The following VWA5A variants were observed in gnomAD, a reference collection of about 807,000 sequenced individuals.
The protein encoded by VWA5A is von Willebrand factor A domain containing 5A, also known as von Willebrand factor A domain-containing protein 5A.
Under a neutral mutation model 84.6 loss-of-function variants are expected in VWA5A, and 77 were observed. The observed-to-expected ratio is 0.91, with a 90% CI of 0.76 to 1.10. The LOEUF is 1.10. VWA5A is among the 50% of genes least tolerant of loss of function. The pLI is 0.00. For synonymous variants in VWA5A, 334 were observed against 350.1 expected (o/e 0.95, Z 0.51); for missense variants, 973 against 963.0 (o/e 1.01, Z -0.14).
At position 124,123,422 on chromosome 11, in the gene VWA5A, TG is replaced by T; in HGVS notation, c.989del (p.Gly330AspfsTer14). 6.2e-7 allele frequency: 1 copy of T among 1,614,124 alleles called. No homozygotes were observed. Among genetic ancestry groups the T allele is most frequent in the Non-Finnish European group, 8.5e-7 (1 of 1,180,018 alleles). On this transcript the variant is annotated frameshift_variant, in exon 9 of 19. Transcript: ENST00000456829. LOFTEE classifies it high-confidence loss of function. ...CTATAGGCTGTTATTTCAACATCTA[TG>T]GATTTGGCTCTTCCTATGAGGCATG... The part of the protein sequence containing the change: ...LPIGCYFNIY[G>X]FGSSYEACFP...
chr11:124,130,746 C>T (rs908784796), intron 11 of VWA5A, among the ~76,000 whole-genome samples: 1 of 151,962 alleles, frequency 6.6e-6, no homozygotes, highest in Non-Finnish European at 1.5e-5. Context: ...CCTTCTTTGT[C>T]GTTTTTTATC....
At position 124,118,661 on chromosome 11, in the gene VWA5A, C is replaced by G; in HGVS notation, c.598C>G (p.Pro200Ala). The G allele has an allele frequency of 6.2e-7, 1 of 1,614,092 alleles. No homozygotes were observed. Among genetic ancestry groups the G allele is most frequent in the Non-Finnish European group, 8.5e-7 (1 of 1,180,020 alleles). Reference protein sequence around the residue: ...HGIEKVQSNCPLSPTEYLGED... With the variant: ...HGIEKVQSNCALSPTEYLGED... ...CATTGAGAAGGTCCAATCCAACTGC[C>G]CCTTGAGTCCTACCGAGTACCTAGG... is the stretch of plus-strand genomic sequence containing the variant. Residue 200 changes from proline to alanine, a missense_variant, in exon 6 of 19, where the codon CCC (proline) becomes GCC (alanine). By Grantham distance (27) the Pro-to-Ala change is conservative (BLOSUM62 -1). Coordinates refer to ENST00000456829, the MANE Select transcript of VWA5A (RefSeq NM_001130142.2).
chr11:124,136,888 C>A, intron 14 of VWA5A, 127 bp from the exon 15 acceptor site: 2 of 1,339,154 alleles, frequency 1.5e-6, no homozygotes, highest in Non-Finnish European at 2.0e-6. Flanking sequence ...CTAAACCACC[C>A]AAGTCTTCTC....
rs145312860 is a variant in VWA5A, at chr11:124,118,646, G to T, written c.583G>T (p.Val195Phe). The T allele has an allele frequency of 6.2e-6, 10 of 1,613,954 alleles. No homozygotes were observed. The African/African-American group carries it at 1.2e-4, about 19-fold the overall frequency. The change falls in exon 6 of 19, where the codon GTC becomes TTC. Residue 195 changes from valine (V) to phenylalanine (F), a missense_variant. Coordinates refer to ENST00000456829, the MANE Select transcript of VWA5A (RefSeq NM_001130142.2). ...TIDSQHGIEK[V>F]QSNCPLSPTE... is the part of the protein sequence containing the mutation. ...AGATTCCCAGCATGGCATTGAGAAG[G>T]TCCAATCCAACTGCCCCTTGAGTCC...
At chr11:124,119,525 A>G (rs1864897418) in intron 7 of VWA5A, among the ~76,000 whole-genome samples, 1 of 152,236 alleles carries the variant, frequency 6.6e-6, no homozygotes, top group African/African-American at 2.4e-5. Context: ...AAATTTGGCC[A>G]TATGTGTTAA....
intron 15 of VWA5A, among the ~76,000 whole-genome samples, chr11:124,139,957 G>A (rs1322273722): frequency 6.6e-6 from 1 of 152,024 alleles, no homozygotes; most frequent in Non-Finnish European, 1.5e-5. Flanking sequence ...TCTTTATTAT[G>A]TTGAGGTACC....
intron 7 of VWA5A, among the ~76,000 whole-genome samples, chr11:124,121,683 T>A (rs919343817): frequency 6.6e-6 from 1 of 152,222 alleles, no homozygotes; most frequent in Non-Finnish European, 1.5e-5. Flanking sequence ...AAGTTTGAAA[T>A]GCCTCATTTG....
chr11:124,120,070 C>G (rs1270452982), intron 7 of VWA5A, among the ~76,000 whole-genome samples: 1 of 152,158 alleles, frequency 6.6e-6, no homozygotes, highest in Non-Finnish European at 1.5e-5. Flanking sequence ...GTGTACAGTT[C>G]TGTGGTCTTC....
At chr11:124,137,985 A>C (rs149537130) in intron 15 of VWA5A, among the ~76,000 whole-genome samples, 306 of 152,284 alleles carry the variant, frequency 2.0e-3, no homozygotes, top group African/African-American at 7.0e-3. Flanking sequence ...CAGCCTCCTG[A>C]GTGGCTGGGA....
intron 11 of VWA5A, 69 bp from the exon 12 acceptor site, chr11:124,134,846 TGGCCA>T: frequency 9.4e-7 from 1 of 1,067,104 alleles, no homozygotes; most frequent in Admixed American, 2.4e-5. Context: ...TATGTATTTT[TGGCCA>T]TTATGTATTA....
Position 124,136,184 on chromosome 11 carries a change from G to C in VWA5A, c.1415G>C (p.Ser472Thr). 1 of 1,614,168 alleles carries C rather than the reference G, an allele frequency of 6.2e-7. No homozygotes were observed. The highest frequency in any genetic ancestry group is 8.5e-7 in the Non-Finnish European group (1 of 1,180,034). ...LQPVVEDVSL[S>T]WHLPPGLSAK... ...CCTGTGGTAGAGGATGTCTCTCTGA[G>C]CTGGCATTTGCCTCCTGGTCTGTCT... The change falls in exon 13 of 19, where the codon AGC becomes ACC. Residue 472 changes from serine (S) to threonine (T), a missense_variant. Ser to Thr is a moderately conservative substitution (Grantham distance 58). Coordinates refer to ENST00000456829, the MANE Select transcript of VWA5A (RefSeq NM_001130142.2).
In VWA5A at chr11:124,122,894, GA is replaced by G. The variant is rs1864952103; in HGVS notation, c.761-65del. The G allele has an allele frequency of 2.7e-6, 4 of 1,476,936 alleles. No individual in the cohort carries two copies. In the East Asian group the frequency reaches 9.1e-5, roughly 34 times the overall value. 91.5% of individuals were successfully genotyped at this position (1,476,936 alleles called of 1,614,324 possible). A position where few individuals can be genotyped will look rare whatever the true frequency, so the allele number is the denominator to read the frequency against. On this transcript the variant is annotated intron_variant, in intron 7 of 18. Transcript: ENST00000456829. ...GCTCTTAATTGAATTCACTACCATT[GA>G]TTCTTAGGTACTAGGATTCTTGAGT...
intron 5 of VWA5A, 41 bp downstream of exon 5, chr11:124,118,452 T>G: frequency 6.2e-7 from 1 of 1,611,240 alleles, no homozygotes; most frequent in Non-Finnish European, 8.5e-7. Context: ...GTGGGTGACA[T>G]AAATGGGGAA....
chr11:124,124,092 G>C, intron 10 of VWA5A, 145 bp from the exon 11 acceptor site: 1 of 896,290 alleles, frequency 1.1e-6, no homozygotes. Context: ...TGTGGTGCCA[G>C]CGACTGAAAC....
chr11:124,132,546 A>G (rs1227960286), intron 11 of VWA5A, among the ~76,000 whole-genome samples: 1 of 152,122 alleles, frequency 6.6e-6, no homozygotes, highest in African/African-American at 2.4e-5. Context: ...GAAATTGTCC[A>G]TGATATTGCC....
intron 11 of VWA5A, among the ~76,000 whole-genome samples, chr11:124,130,703 T>A (rs542864964): frequency 7.5e-4 from 114 of 152,328 alleles, no homozygotes; most frequent in African/African-American, 2.7e-3. Flanking sequence ...TAGCTCTTCT[T>A]GTTGCATTAA....
In VWA5A at chr11:124,123,903, C is replaced by T. The variant is rs559755429; in HGVS notation, c.1164+99C>T. 29 of 1,419,680 alleles carry T rather than the reference C, an allele frequency of 2.0e-5. No individual in the cohort carries two copies. In the East Asian group the frequency reaches 6.4e-4, roughly 31 times the overall value. The allele number at this position is 1,419,680 out of a possible 1,614,324, so 87.9% of individuals were successfully genotyped here. A position where few individuals can be genotyped will look rare whatever the true frequency, so the allele number is the denominator to read the frequency against. ...ATGCAGTATGTTGAAATATAGTTTG[C>T]AATTCACAGTCTTCTATCATATAGT... On this transcript the variant is annotated intron_variant, in intron 10 of 18. Transcript: ENST00000456829.
At position 124,147,235 on chromosome 11, in the gene VWA5A, A is replaced by C. The variant is rs1250500232; in HGVS notation, c.*1290A>C. 6.6e-6 allele frequency: 1 copy of C among 152,310 alleles called. No individual in the cohort carries two copies. The highest frequency in any genetic ancestry group is 2.4e-5 in the African/African-American group (1 of 41,468). The allele number at this position is 152,310 out of a possible 1,614,324, so 9.4% of individuals were successfully genotyped here. A position where few individuals can be genotyped will look rare whatever the true frequency, so the allele number is the denominator to read the frequency against. On this transcript the variant is annotated 3_prime_UTR_variant, in exon 19 of 19. Coordinates refer to ENST00000456829, the MANE Select transcript of VWA5A (RefSeq NM_001130142.2). Reference sequence around the variant, plus strand: ...CTTTTATATGAAGCAAGTAAAGGATACTAATAAGAATACCACTGTAGAATC... The same window carrying C: ...CTTTTATATGAAGCAAGTAAAGGATCCTAATAAGAATACCACTGTAGAATC...
intron 15 of VWA5A, among the ~76,000 whole-genome samples, chr11:124,138,969 G>T: frequency 6.6e-6 from 1 of 152,060 alleles, no homozygotes; most frequent in South Asian, 2.1e-4. Flanking sequence ...AGAGATAAGG[G>T]TCTAATGTTA....
Sources: allele counts gnomAD v4.1 joint callset (sites outside exome capture counted in the v4.1 genomes callset), GRCh38; gene constraint gnomAD v4.1.1; transcripts MANE v1.5; gene names NCBI Gene and HGNC (gene_info 2026-07-23, HGNC 2026-07-21).